GMDS: variants seen among roughly 807,000 people sequenced by gnomAD.
GMDS encodes GDP-mannose 4,6-dehydratase.
A neutral mutation model predicts 49.9 loss-of-function variants in GMDS; 20 were observed. The ratio of observed to expected loss-of-function variants is 0.40; its 90% confidence interval spans 0.28 to 0.58. The LOEUF (loss-of-function observed/expected upper bound fraction) is 0.58, where lower values mean the gene tolerates loss of function less well. Ranked by LOEUF, GMDS falls within the 20% of genes least tolerant of loss-of-function variation. The probability of loss-of-function intolerance (pLI) is 0.42; values close to 1 mark genes in which losing one functional copy is unlikely to be tolerated. For missense variants in GMDS, 362 were observed against 481.4 expected, an observed-to-expected ratio of 0.75 and a Z score of 2.32; for synonymous variants, 177 against 178.6, an observed-to-expected ratio of 0.99 and a Z score of 0.07.
intron 1 of GMDS, among the ~76,000 whole-genome samples, chr6:2,175,361 G>A (rs1010979062): frequency 6.6e-6 from 1 of 152,166 alleles, no homozygotes; most frequent in Non-Finnish European, 1.5e-5. Flanking sequence ...TATGGTTCCT[G>A]TCACTGTTGA....
intron 6 of GMDS, among the ~76,000 whole-genome samples, chr6:1,954,215 A>G (rs1037637289): frequency 7.2e-5 from 11 of 152,258 alleles, no homozygotes; most frequent in African/African-American, 2.4e-4. Flanking sequence ...GTGTAATAAT[A>G]GTATGTTTTT....
intron 7 of GMDS, among the ~76,000 whole-genome samples, chr6:1,750,584 C>A (rs1231840988): frequency 6.6e-6 from 1 of 152,166 alleles, no homozygotes; most frequent in Non-Finnish European, 1.5e-5. Context: ...GTCTTTGCAA[C>A]CCACAGACCA....
At chr6:1,799,699 A>C (rs929920923) in intron 7 of GMDS, among the ~76,000 whole-genome samples, 4 of 152,140 alleles carry the variant, frequency 2.6e-5, no homozygotes, top group Non-Finnish European at 5.9e-5. Context: ...GACTCCAGAG[A>C]AGATGACTCT....
intron 7 of GMDS, among the ~76,000 whole-genome samples, chr6:1,760,088 G>A (rs982981869): frequency 2.0e-5 from 3 of 152,218 alleles, no homozygotes; most frequent in African/African-American, 7.2e-5. Context: ...ATGAAGACCT[G>A]TGTGGGCAGC....
intron 7 of GMDS, among the ~76,000 whole-genome samples, chr6:1,868,783 G>A (rs968878455): frequency 2.0e-5 from 3 of 152,150 alleles, no homozygotes; most frequent in African/African-American, 7.2e-5. Flanking sequence ...TGTGAATTCA[G>A]AGGCTCAATA....
chr6:1,856,706 C>G (rs573086295), intron 7 of GMDS, among the ~76,000 whole-genome samples: 1 of 152,326 alleles, frequency 6.6e-6, no homozygotes, highest in African/African-American at 2.4e-5. Context: ...ACCCTAGACC[C>G]AGCAGCTAGC....
chr6:1,991,958 A>G (rs1297116264), intron 4 of GMDS, among the ~76,000 whole-genome samples: 1 of 152,220 alleles, frequency 6.6e-6, no homozygotes, highest in Non-Finnish European at 1.5e-5. Context: ...ACGGCAAGGA[A>G]GGCCAAATCG....
intron 9 of GMDS, chr6:1,679,708 G>C (rs781447378): frequency 6.6e-6 from 1 of 152,238 alleles, no homozygotes; most frequent in African/African-American, 2.4e-5. Context: ...ACGATATTTT[G>C]ATAATACACA....
chr6:1,962,153 A>T (rs934333098), intron 4 of GMDS, among the ~76,000 whole-genome samples: 3 of 152,220 alleles, frequency 2.0e-5, no homozygotes, highest in African/African-American at 7.2e-5. Context: ...CATTCACAGC[A>T]GTAGATGCCA....
intron 7 of GMDS, among the ~76,000 whole-genome samples, chr6:1,764,418 TG>T (rs1242236488): frequency 6.6e-6 from 1 of 152,204 alleles, no homozygotes; most frequent in Non-Finnish European, 1.5e-5. Flanking sequence ...GAAAAGAACT[TG>T]GACTGAAGTC....
intron 4 of GMDS, among the ~76,000 whole-genome samples, 193 bp from the exon 5 acceptor site, chr6:1,961,159 T>C (rs1054963847): frequency 1.3e-5 from 2 of 152,226 alleles, no homozygotes; most frequent in Non-Finnish European, 2.9e-5. Flanking sequence ...TAATTCCTAT[T>C]AATTACCTAT....
At chr6:1,779,135 G>A (rs965619607) in intron 7 of GMDS, among the ~76,000 whole-genome samples, 3 of 152,122 alleles carry the variant, frequency 2.0e-5, no homozygotes, top group African/African-American at 7.2e-5. Flanking sequence ...CTGGGTACGA[G>A]GACAGCCTTC....
At chr6:2,109,096 C>G (rs577576135) in intron 4 of GMDS, among the ~76,000 whole-genome samples, 1 of 152,150 alleles carries the variant, frequency 6.6e-6, no homozygotes, top group Non-Finnish European at 1.5e-5. Context: ...ACAGCAAAGA[C>G]GGATATGTTG....
intron 9 of GMDS, among the ~76,000 whole-genome samples, chr6:1,688,473 C>T (rs553090753): frequency 6.6e-6 from 1 of 152,344 alleles, no homozygotes; most frequent in South Asian, 2.1e-4. Flanking sequence ...AACTCCAGTT[C>T]CCTCCACCTT....
At chr6:1,730,505 C>T (rs184709528) in intron 8 of GMDS, among the ~76,000 whole-genome samples, 5 of 152,278 alleles carry the variant, frequency 3.3e-5, no homozygotes, top group Admixed American at 1.3e-4. Flanking sequence ...GGGCCTGATT[C>T]CCTCCCCGAC....
At chr6:1,957,256 T>C (rs536885301) in intron 6 of GMDS, among the ~76,000 whole-genome samples, 2 of 152,360 alleles carry the variant, frequency 1.3e-5, no homozygotes, top group Non-Finnish European at 2.9e-5. Flanking sequence ...TATTCATTCA[T>C]TTAAAAATAT....
At chr6:1,963,691 G>A (rs936075780) in intron 4 of GMDS, among the ~76,000 whole-genome samples, 1 of 152,032 alleles carries the variant, frequency 6.6e-6, no homozygotes, top group Non-Finnish European at 1.5e-5. Flanking sequence ...ATCAGGAAAA[G>A]CCATGGCCTT....
rs575149026 is a variant in GMDS, at chr6:2,042,378, C to T, written c.345+73393G>A. On this transcript the variant is annotated intron_variant, in intron 4 of 10. Transcript: ENST00000380815. ...CAGCAGGTCTCCTCTGTTCTACTTC[C>T]CAGTATCTCTCAAATTCACTTCCTC... Among the ~76,000 whole-genome samples the T allele has an allele frequency of 3.3e-5, 5 of 152,240 alleles. No individual in the cohort carries two copies. The South Asian group carries it at 1.0e-3, about 32-fold the overall frequency.
chr6:2,063,469 T>C (rs1259615528), intron 4 of GMDS, among the ~76,000 whole-genome samples: 1 of 152,220 alleles, frequency 6.6e-6, no homozygotes, highest in Non-Finnish European at 1.5e-5. Context: ...AGTGGCTGTA[T>C]TCCTCATAAT....
Sources: gnomAD v4.1 joint callset for allele counts (sites outside exome capture counted in the v4.1 genomes callset) on GRCh38, gnomAD v4.1.1 for gene constraint, MANE v1.5 for transcripts, NCBI Gene and HGNC (gene_info 2026-07-23, HGNC 2026-07-21) for gene names.